The following ADAMTSL1 variants were observed in gnomAD, a reference collection of about 807,000 sequenced individuals.
ADAMTSL1 encodes ADAMTS-like protein 1.
ADAMTSL1 carries 126 observed loss-of-function variants against 201.8 expected under a neutral mutation model. The observed-to-expected ratio is 0.62, with a 90% CI of 0.54 to 0.72. The LOEUF (loss-of-function observed/expected upper bound fraction) is 0.72. Ranked by LOEUF, ADAMTSL1 falls within the 30% of genes least tolerant of loss-of-function variation. The probability of loss-of-function intolerance (pLI) is 0.00; values close to 1 mark genes in which losing one functional copy is unlikely to be tolerated. For missense variants in ADAMTSL1, 2,679 were observed against 2,277.8 expected, an observed-to-expected ratio of 1.18 and a Z score of -3.59; for synonymous variants, 1,121 against 903.4, an observed-to-expected ratio of 1.24 and a Z score of -4.32.
chr9:18,539,930 A>G (rs1196559855), intron 3 of ADAMTSL1, among the ~76,000 whole-genome samples: 2 of 152,040 alleles, frequency 1.3e-5, no homozygotes. Flanking sequence ...ACCACAAAAA[A>G]CTCACCCAGA....
At chr9:18,225,057 C>G (rs760601690) in intron 2 of ADAMTSL1, among the ~76,000 whole-genome samples, 1 of 152,062 alleles carries the variant, frequency 6.6e-6, no homozygotes, top group East Asian at 1.9e-4. Context: ...CTTAATTACT[C>G]TGGGATAAAA....
chr9:18,302,464 T>A (rs1328824260), intron 2 of ADAMTSL1, among the ~76,000 whole-genome samples: 1 of 152,166 alleles, frequency 6.6e-6, no homozygotes, highest in Non-Finnish European at 1.5e-5. Flanking sequence ...TCTACTTAGA[T>A]ATGTGGATAT....
At chr9:18,179,619 C>A (rs1322030187) in intron 2 of ADAMTSL1, among the ~76,000 whole-genome samples, 4 of 152,036 alleles carry the variant, frequency 2.6e-5, no homozygotes, top group Non-Finnish European at 5.9e-5. Context: ...TTAAGGGCAG[C>A]CAGAGAGAAA....
At chr9:17,915,564 G>A (rs774985007) in intron 1 of ADAMTSL1, among the ~76,000 whole-genome samples, 2 of 152,158 alleles carry the variant, frequency 1.3e-5, no homozygotes, top group Admixed American at 1.3e-4. Context: ...TGTTTAATTT[G>A]TGTTAGGTAA....
At chr9:18,201,526 C>G (rs541298193) in intron 2 of ADAMTSL1, among the ~76,000 whole-genome samples, 2 of 151,904 alleles carry the variant, frequency 1.3e-5, no homozygotes, top group African/African-American at 2.4e-5. Flanking sequence ...TTTTTCTGTG[C>G]CCCACCTTCC....
intron 15 of ADAMTSL1, among the ~76,000 whole-genome samples, chr9:18,744,489 C>T (rs983190749): frequency 2.0e-5 from 3 of 152,178 alleles, no homozygotes; most frequent in Non-Finnish European, 2.9e-5. Context: ...ACTTGTTTCC[C>T]ATCCTCACAA....
At chr9:18,033,007 G>T (rs1821039990) in intron 1 of ADAMTSL1, among the ~76,000 whole-genome samples, 1 of 151,936 alleles carries the variant, frequency 6.6e-6, no homozygotes, top group African/African-American at 2.4e-5. Flanking sequence ...TTGATATTTT[G>T]GTTTCTCTCT....
chr9:17,941,347 C>G (rs1034408144), intron 1 of ADAMTSL1, among the ~76,000 whole-genome samples: 2 of 152,110 alleles, frequency 1.3e-5, no homozygotes, highest in Non-Finnish European at 1.5e-5. Context: ...CAGTTGCCAG[C>G]CACAGCAGCC....
chr9:18,367,708 A>G (rs542284713), intron 2 of ADAMTSL1, among the ~76,000 whole-genome samples: 2 of 152,188 alleles, frequency 1.3e-5, no homozygotes, highest in African/African-American at 2.4e-5. Context: ...CAGTGGCGGA[A>G]AGTTAGGAAC....
At chr9:18,297,400 A>G (rs1833517676) in intron 2 of ADAMTSL1, among the ~76,000 whole-genome samples, 1 of 151,012 alleles carries the variant, frequency 6.6e-6, no homozygotes, top group Non-Finnish European at 1.5e-5. Flanking sequence ...AAAATAGCCT[A>G]CCAAAGATTT....
intron 4 of ADAMTSL1, among the ~76,000 whole-genome samples, chr9:18,612,294 T>C (rs1388129412): frequency 6.6e-6 from 1 of 152,214 alleles, no homozygotes; most frequent in Non-Finnish European, 1.5e-5. Flanking sequence ...TAGAGAGTGT[T>C]CTTTTGGTCT....
intron 1 of ADAMTSL1, among the ~76,000 whole-genome samples, chr9:17,990,146 G>T (rs1262315902): frequency 6.6e-6 from 1 of 151,946 alleles, no homozygotes; most frequent in African/African-American, 2.4e-5. Context: ...ATTAAAATAA[G>T]TAATATTTCT....
intron 2 of ADAMTSL1, among the ~76,000 whole-genome samples, chr9:18,289,211 A>G (rs1274755047): frequency 6.6e-6 from 1 of 152,056 alleles, no homozygotes; most frequent in African/African-American, 2.4e-5. Flanking sequence ...ATGGATATAG[A>G]TATAATTACT....
At chr9:18,771,961 C>G (rs1469312739) in intron 17 of ADAMTSL1, among the ~76,000 whole-genome samples, 1 of 152,156 alleles carries the variant, frequency 6.6e-6, no homozygotes, top group Non-Finnish European at 1.5e-5. Context: ...GGTTTTATAA[C>G]TTGGCAGTAA....
chr9:18,722,938 G>C, intron 15 of ADAMTSL1: 1 of 735,708 alleles, frequency 1.4e-6, no homozygotes, highest in Non-Finnish European at 2.5e-6. Flanking sequence ...TAACTTCGCA[G>C]CTCTCTAGTT....
At chr9:17,944,645 C>T in intron 1 of ADAMTSL1, among the ~76,000 whole-genome samples, 1 of 143,118 alleles carries the variant, frequency 7.0e-6, no homozygotes, top group Non-Finnish European at 1.5e-5. Flanking sequence ...GAACAGAGCC[C>T]TCAGAAATAA....
intron 2 of ADAMTSL1, among the ~76,000 whole-genome samples, chr9:18,394,118 C>A (rs986910870): frequency 4.6e-5 from 7 of 151,986 alleles, no homozygotes; most frequent in Non-Finnish European, 7.4e-5. Flanking sequence ...GAAAGCAGAG[C>A]CATAAAGAGA....
intron 1 of ADAMTSL1, among the ~76,000 whole-genome samples, chr9:18,014,386 G>T (rs1053541016): frequency 7.2e-5 from 11 of 152,030 alleles, no homozygotes; most frequent in Non-Finnish European, 1.5e-4. Flanking sequence ...TTTAGAAAAT[G>T]TAACCATAAC....
chr9:18,373,681 A>G (rs1837156908), intron 2 of ADAMTSL1, among the ~76,000 whole-genome samples: 1 of 152,152 alleles, frequency 6.6e-6, no homozygotes, highest in African/African-American at 2.4e-5. Context: ...TAACCATGCC[A>G]CACCAAAGAG....
Sources: allele counts gnomAD v4.1 joint callset (sites outside exome capture counted in the v4.1 genomes callset), GRCh38; gene constraint gnomAD v4.1.1; transcripts MANE v1.5; gene names NCBI Gene and HGNC (gene_info 2026-07-23, HGNC 2026-07-21).